OSGIN2: variants seen among roughly 807,000 people sequenced by gnomAD.
The protein encoded by OSGIN2 is oxidative stress induced growth inhibitor family member 2, also known as oxidative stress-induced growth inhibitor 2.
Under a neutral mutation model 53.8 loss-of-function variants are expected in OSGIN2, and 19 were observed. The observed-to-expected ratio is 0.35, with a 90% CI of 0.25 to 0.52. OSGIN2 has a LOEUF of 0.52. Among genes scored for constraint, OSGIN2 ranks in the 20% least tolerant of loss-of-function variants. OSGIN2 has a pLI of 0.95. For missense variants in OSGIN2, 520 were observed against 662.7 expected, an observed-to-expected ratio of 0.78 and a Z score of 2.36; for synonymous variants, 236 against 236.0, an observed-to-expected ratio of 1.00 and a Z score of 0.00.
At chr8:89,903,032 C>T (rs775705478) in intron 1 of OSGIN2, among the ~76,000 whole-genome samples, 195 bp downstream of exon 1, 84 of 152,278 alleles carry the variant, frequency 5.5e-4, no homozygotes, top group Non-Finnish European at 1.0e-3. Context: ...GGGAGCCCTG[C>T]GCTGTTCCCT....
intron 4 of OSGIN2, among the ~76,000 whole-genome samples, chr8:89,918,385 C>T (rs145813781): frequency 4.6e-5 from 7 of 152,192 alleles, no homozygotes; most frequent in African/African-American, 1.2e-4. Context: ...ACTGCAGCCT[C>T]GGACCCCTGA....
intron 2 of OSGIN2, 34 bp downstream of exon 2, chr8:89,909,755 G>A: frequency 7.3e-7 from 1 of 1,369,902 alleles, no homozygotes; most frequent in Admixed American, 1.8e-5. Flanking sequence ...TAAAATTATA[G>A]TTAATGACCC....
chr8:89,920,775 T>C (rs1267152543), intron 4 of OSGIN2, among the ~76,000 whole-genome samples: 1 of 152,266 alleles, frequency 6.6e-6, no homozygotes, highest in Non-Finnish European at 1.5e-5. Context: ...ATCTGAATTA[T>C]GTTGATCATA....
intron 1 of OSGIN2, among the ~76,000 whole-genome samples, chr8:89,909,037 A>AATATATATATATAT (rs1252373741): frequency 4.7e-5 from 4 of 84,860 alleles, no homozygotes; most frequent in African/African-American, 2.9e-4. Flanking sequence ...AAAAAAAAAA[A>AATATATATATATAT]ATATATATAT....
At chr8:89,919,656 T>C (rs1310930093) in intron 4 of OSGIN2, among the ~76,000 whole-genome samples, 2 of 152,066 alleles carry the variant, frequency 1.3e-5, no homozygotes, top group Non-Finnish European at 2.9e-5. Flanking sequence ...ATGTAAAAGG[T>C]TGGAACAACG....
intron 4 of OSGIN2, among the ~76,000 whole-genome samples, chr8:89,916,546 T>C (rs962674746): frequency 1.3e-5 from 2 of 152,184 alleles, no homozygotes; most frequent in Admixed American, 6.5e-5. Flanking sequence ...CCATCTCCCC[T>C]GCTATGGTTT....
intron 1 of OSGIN2, among the ~76,000 whole-genome samples, chr8:89,903,556 T>A (rs567883075): frequency 6.6e-6 from 1 of 152,342 alleles, no homozygotes; most frequent in African/African-American, 2.4e-5. Flanking sequence ...TGTTCCAGAA[T>A]AATTCTATGT....
At chr8:89,923,580 A>G (rs376217257) in intron 5 of OSGIN2, among the ~76,000 whole-genome samples, 1 of 152,220 alleles carries the variant, frequency 6.6e-6, no homozygotes, top group East Asian at 1.9e-4. Flanking sequence ...GAGGTATTCA[A>G]CACTTTATTA....
In OSGIN2 at chr8:89,926,687, A is replaced by G; in HGVS notation, c.*1155A>G. 6.6e-6 allele frequency: 1 copy of G among 152,216 alleles called. No individual in the cohort carries two copies. Among genetic ancestry groups the G allele is most frequent in the South Asian group, 2.1e-4 (1 of 4,832 alleles). The allele number at this position is 152,216 out of a possible 1,614,324, so 9.4% of individuals were successfully genotyped here. On this transcript the variant is annotated 3_prime_UTR_variant, in exon 6 of 6. Coordinates refer to ENST00000451899, the MANE Select transcript of OSGIN2 (RefSeq NM_001126111.3). ...CTGTGTTTTCACACAAACTGCTAGAATTTTTAATGTTAAGACGAAAACATC... is the reference window on the plus strand; with the variant it reads ...CTGTGTTTTCACACAAACTGCTAGAGTTTTTAATGTTAAGACGAAAACATC...
At chr8:89,920,528 C>G (rs1198887662) in intron 4 of OSGIN2, among the ~76,000 whole-genome samples, 1 of 152,182 alleles carries the variant, frequency 6.6e-6, no homozygotes, top group Non-Finnish European at 1.5e-5. Flanking sequence ...GTTTGTTTCT[C>G]AGGCATCCAC....
intron 4 of OSGIN2, among the ~76,000 whole-genome samples, chr8:89,919,011 CAT>C (rs1230887802): frequency 6.6e-6 from 1 of 152,212 alleles, no homozygotes; most frequent in Non-Finnish European, 1.5e-5. Context: ...TTCTAAATTA[CAT>C]GTCTGAGATG....
Position 89,924,845 on chromosome 8 carries a change from T to G in OSGIN2, c.963T>G (p.Asp321Glu). 1.2e-6 allele frequency: 2 copies of G among 1,614,170 alleles called. No individual in the cohort carries two copies. Among genetic ancestry groups the G allele is most frequent in the Non-Finnish European group, 1.7e-6 (2 of 1,180,016 alleles). ...CCCATCTGGAAATTGAAGGGGAAGA[T>G]TTTCCTTTTGTGTTTCATTCAATGC... ...SPAHLEIEGE[D>E]FPFVFHSMPE... Residue 321 changes from aspartate (D) to glutamate (E), a missense_variant, in exon 6 of 6, where the codon GAT (aspartate) becomes GAG (glutamate). Coordinates refer to ENST00000451899, the MANE Select transcript of OSGIN2 (RefSeq NM_001126111.3).
At chr8:89,918,012 A>C (rs1324636678) in intron 4 of OSGIN2, among the ~76,000 whole-genome samples, 2 of 152,158 alleles carry the variant, frequency 1.3e-5, no homozygotes, top group African/African-American at 4.8e-5. Flanking sequence ...TTTATAGCTA[A>C]CTTCCTGAAA....
chr8:89,921,177 G>C lies in OSGIN2; in HGVS notation c.620+6G>C. 1 of 1,501,002 alleles carries C rather than the reference G, an allele frequency of 6.7e-7. No homozygotes were observed. Among genetic ancestry groups the C allele is most frequent in the Non-Finnish European group, 9.1e-7 (1 of 1,096,010 alleles). 93.0% of individuals were successfully genotyped at this position (1,501,002 alleles called of 1,614,324 possible). Reference sequence around the variant, plus strand: ...TGGGTATCAAGTAAACGAAGGTAAAGATTGAACTGTATTAAAATTCTTTGG... The same window carrying C: ...TGGGTATCAAGTAAACGAAGGTAAACATTGAACTGTATTAAAATTCTTTGG... On this transcript the variant is annotated splice_donor_region_variant and intron_variant, in intron 5 of 5. Transcript: ENST00000451899.
chr8:89,907,110 G>C (rs1808855491), intron 1 of OSGIN2, among the ~76,000 whole-genome samples: 1 of 151,970 alleles, frequency 6.6e-6, no homozygotes, highest in Non-Finnish European at 1.5e-5. Context: ...CTTTTCTGTG[G>C]GGTTGTTTTT....
intron 1 of OSGIN2, among the ~76,000 whole-genome samples, chr8:89,907,273 ATT>A (rs1319002208): frequency 5.7e-5 from 7 of 123,458 alleles, no homozygotes; most frequent in African/African-American, 3.0e-4. Flanking sequence ...ATTAGATACC[ATT>A]TGTCAATTTT....
Position 89,902,722 on chromosome 8 carries a change from G to C in OSGIN2, c.-72G>C. On this transcript the variant is annotated 5_prime_UTR_variant, in exon 1 of 6. Coordinates refer to ENST00000451899, the MANE Select transcript of OSGIN2 (RefSeq NM_001126111.3). The stretch of plus-strand genomic sequence containing the variant: ...GACCCCGAGCCAGCGGGCGCCCCGA[G>C]CGGGCAGCCTCGCCGGGGGAGGCGG... The C allele has an allele frequency of 1.2e-6, 1 of 862,160 alleles. No homozygotes were observed. Among genetic ancestry groups the C allele is most frequent in the Non-Finnish European group, 1.4e-6 (1 of 690,392 alleles). The allele number at this position is 862,160 out of a possible 1,614,324, so 53.4% of individuals were successfully genotyped here.
At chr8:89,917,233 C>G (rs184134772) in intron 4 of OSGIN2, among the ~76,000 whole-genome samples, 4 of 152,308 alleles carry the variant, frequency 2.6e-5, no homozygotes, top group Admixed American at 2.0e-4. Flanking sequence ...CACTGTAGAT[C>G]TTATCTGTCA....
rs1808751543 is a variant in OSGIN2, at chr8:89,902,793, C to T, written c.-1C>T. 17 of 1,321,816 alleles carry T rather than the reference C, an allele frequency of 1.3e-5. No individual in the cohort carries two copies. The highest frequency in any genetic ancestry group is 1.7e-5 in the Non-Finnish European group (17 of 1,017,620). The allele number at this position is 1,321,816 out of a possible 1,614,324, so 81.9% of individuals were successfully genotyped here. ...CTCGGGCGCCCCTCGCGCAGCGCTC[C>T]ATGCCCGTGTGGTGCTGCCGCTGCT... is the stretch of plus-strand genomic sequence containing the variant. On this transcript the variant is annotated 5_prime_UTR_variant, in exon 1 of 6. Coordinates refer to ENST00000451899, the MANE Select transcript of OSGIN2 (RefSeq NM_001126111.3).
Sources: allele counts gnomAD v4.1 joint callset (sites outside exome capture counted in the v4.1 genomes callset), GRCh38; gene constraint gnomAD v4.1.1; transcripts MANE v1.5; gene names NCBI Gene and HGNC (gene_info 2026-07-23, HGNC 2026-07-21).